The following CTSH variants were observed in gnomAD, a reference collection of about 807,000 sequenced individuals.
CTSH encodes pro-cathepsin H.
A neutral mutation model predicts 56.3 loss-of-function variants in CTSH; 52 were observed. That is an observed-to-expected ratio of 0.92 (90% CI 0.74 to 1.16). The LOEUF (loss-of-function observed/expected upper bound fraction) is 1.16, where lower values mean the gene tolerates loss of function less well. CTSH is among the 50% of genes most tolerant of loss of function. The probability of loss-of-function intolerance (pLI) is 0.00; values close to 1 mark genes in which losing one functional copy is unlikely to be tolerated. For missense variants in CTSH, 406 were observed against 424.5 expected, an observed-to-expected ratio of 0.96 and a Z score of 0.38; for synonymous variants, 174 against 155.7, an observed-to-expected ratio of 1.12 and a Z score of -0.88.
chr15:78,930,917 A>C (rs1276503641), intron 7 of CTSH, among the ~76,000 whole-genome samples: 1 of 152,182 alleles, frequency 6.6e-6, no homozygotes, highest in African/African-American at 2.4e-5. Context: ...GCATGAAGGG[A>C]GGGCTAGAGT....
At chr15:78,922,856 T>TC in intron 11 of CTSH, 137 bp downstream of exon 11, 1 of 1,029,582 alleles carries the variant, frequency 9.7e-7, no homozygotes, top group Non-Finnish European at 1.4e-6. Flanking sequence ...ATGCTCCCTT[T>TC]CCCCCTGGCC....
chr15:78,927,893 G>A, intron 8 of CTSH, 112 bp from the exon 9 acceptor site: 1 of 837,142 alleles, frequency 1.2e-6, no homozygotes. Flanking sequence ...GGGCCTGGGG[G>A]ATGGGATAAT....
At chr15:78,923,848 A>AG (rs1652252834) in intron 10 of CTSH, among the ~76,000 whole-genome samples, 1 of 152,192 alleles carries the variant, frequency 6.6e-6, no homozygotes, top group African/African-American at 2.4e-5. Flanking sequence ...AGCCTCCATA[A>AG]GGAAATTCCA....
intron 6 of CTSH, chr15:78,931,911 G>A (rs2055069109): frequency 1.7e-6 from 2 of 1,201,202 alleles, no homozygotes; most frequent in Non-Finnish European, 2.1e-6. Flanking sequence ...CAGGCCGGCT[G>A]TGCACTGTCC....
At position 78,942,476 on chromosome 15, in the gene CTSH, G is replaced by A. The variant is rs988561532; in HGVS notation, c.91+2415C>T. On this transcript the variant is annotated intron_variant, in intron 1 of 11. Coordinates refer to ENST00000220166, the MANE Select transcript of CTSH (RefSeq NM_004390.5). ...GATCCACCCACCTTGGCCTACCAAA[G>A]TGCTGGGATCACAGGCGTGAGCCCC... Among the ~76,000 whole-genome samples the A allele has an allele frequency of 7.0e-4, 107 of 152,298 alleles. 1 individual carries two copies. Among genetic ancestry groups the A allele is most frequent in the African/African-American group, 2.5e-3 (105 of 41,572 alleles).
intron 8 of CTSH, 82 bp from the exon 9 acceptor site, chr15:78,927,863 A>T (rs1331999888): frequency 8.7e-7 from 1 of 1,151,124 alleles, no homozygotes; most frequent in Non-Finnish European, 1.3e-6. Flanking sequence ...AACATTTACT[A>T]AACAAAACAA....
intron 9 of CTSH, chr15:78,926,188 A>C (rs972298401): frequency 2.0e-5 from 3 of 152,358 alleles, no homozygotes; most frequent in Non-Finnish European, 4.4e-5. Flanking sequence ...TGCTGAGGCC[A>C]GGGCCCTACT....
At chr15:78,936,180 C>CTTTTTTTTTTTT (rs66819363) in intron 3 of CTSH, among the ~76,000 whole-genome samples, 2 of 90,866 alleles carry the variant, frequency 2.2e-5, no homozygotes, top group East Asian at 2.9e-4. Context: ...CTTTTCTTTT[C>CTTTTTTTTTTTT]TTTTTTTTTT....
At chr15:78,939,763 TGTAATCC>T (rs1373887519) in intron 1 of CTSH, among the ~76,000 whole-genome samples, 1 of 152,188 alleles carries the variant, frequency 6.6e-6, no homozygotes, top group African/African-American at 2.4e-5. Context: ...GGTGTGTGCC[TGTAATCC>T]CAGCTACTCG....
At chr15:78,942,895 G>T (rs1243751482) in intron 1 of CTSH, among the ~76,000 whole-genome samples, 1 of 152,142 alleles carries the variant, frequency 6.6e-6, no homozygotes, top group Non-Finnish European at 1.5e-5. Context: ...TTTGGGTCTC[G>T]AACCTGTTCC....
chr15:78,928,340 G>A (rs1243563511), intron 8 of CTSH, among the ~76,000 whole-genome samples: 1 of 148,814 alleles, frequency 6.7e-6, no homozygotes, highest in Non-Finnish European at 1.5e-5. Flanking sequence ...GGCCGAGGCG[G>A]TAGATCACGA....
rs2055060406 is a variant in CTSH, at chr15:78,931,502, TC to T, written c.496del (p.Glu166AsnfsTer63). 6.2e-7 allele frequency: 1 copy of T among 1,614,074 alleles called. No homozygotes were observed. Among genetic ancestry groups the T allele is most frequent in the Non-Finnish European group, 8.5e-7 (1 of 1,180,030 alleles). On this transcript the variant is annotated frameshift_variant, in exon 7 of 12. Transcript: ENST00000220166. LOFTEE classifies it high-confidence loss of function. ...IATGKMLSLA[E>X]QQLVDCAQDF... ...CTGGGCGCAGTCCACCAGCTGCTGT[TC>T]CGCCTGGAAGAAGGACACAACCCAG...
chr15:78,937,560 C>T (rs1478149924), intron 2 of CTSH, 137 bp from the exon 3 acceptor site: 6 of 1,331,634 alleles, frequency 4.5e-6, no homozygotes, highest in East Asian at 2.6e-5. Context: ...TGTTAATGGG[C>T]GGGGTACTGC....
At chr15:78,922,946 C>A (rs2054805504) in intron 11 of CTSH, 47 bp downstream of exon 11, 1 of 1,580,334 alleles carries the variant, frequency 6.3e-7, no homozygotes, top group Non-Finnish European at 8.6e-7. Flanking sequence ...GGCCTCCAGG[C>A]CTGAGCAACA....
At chr15:78,938,639 C>T (rs1024595364) in intron 2 of CTSH, among the ~76,000 whole-genome samples, 1 of 152,134 alleles carries the variant, frequency 6.6e-6, no homozygotes, top group African/African-American at 2.4e-5. Flanking sequence ...TGTGTACATA[C>T]ACCACATTTG....
At chr15:78,942,952 T>C (rs73472306) in intron 1 of CTSH, among the ~76,000 whole-genome samples, 2,983 of 152,234 alleles carry the variant, frequency 0.02, 90 homozygotes, top group African/African-American at 0.069. Context: ...GCACATTTCC[T>C]CAACATGGCT....
chr15:78,941,451 T>A (rs12148801), intron 1 of CTSH, among the ~76,000 whole-genome samples: 15,607 of 97,816 alleles, frequency 0.16, 1,166 homozygotes, highest in African/African-American at 0.23. Flanking sequence ...AAAAAAAAAA[T>A]TAAATGTTTT....
chr15:78,931,780 G>T, intron 6 of CTSH: 8 of 1,382,544 alleles, frequency 5.8e-6, no homozygotes, highest in South Asian at 1.5e-5. Flanking sequence ...CCCCTGCCCC[G>T]TAGGTGTGCC....
intron 1 of CTSH, among the ~76,000 whole-genome samples, chr15:78,940,810 T>C (rs757975658): frequency 2.0e-5 from 3 of 152,008 alleles, no homozygotes; most frequent in Non-Finnish European, 4.4e-5. Flanking sequence ...AATACAAAAA[T>C]TAGCTGGGCA....
Sources: gnomAD v4.1 joint callset for allele counts (sites outside exome capture counted in the v4.1 genomes callset) on GRCh38, gnomAD v4.1.1 for gene constraint, MANE v1.5 for transcripts, NCBI Gene and HGNC (gene_info 2026-07-23, HGNC 2026-07-21) for gene names.